The following DLGAP1 variants were observed in gnomAD, a reference collection of about 807,000 sequenced individuals.
DLGAP1 encodes the protein disks large-associated protein 1.
DLGAP1 carries 11 observed loss-of-function variants against 90.8 expected under a neutral mutation model. The ratio of observed to expected loss-of-function variants is 0.12; its 90% confidence interval spans 0.08 to 0.20. The LOEUF (loss-of-function observed/expected upper bound fraction) is 0.20. DLGAP1 is among the 10% of genes least tolerant of loss of function. The pLI, the probability that DLGAP1 is intolerant of heterozygous loss-of-function variation, is 1.00. For missense variants in DLGAP1, 1,050 were observed against 1,333.8 expected (o/e 0.79, Z 3.31); for synonymous variants, 558 against 540.7 (o/e 1.03, Z -0.44).
chr18:4,361,807 A>C (rs2081635765), intron 1 of DLGAP1, among the ~76,000 whole-genome samples: 1 of 152,232 alleles, frequency 6.6e-6, no homozygotes, highest in Non-Finnish European at 1.5e-5. Context: ...CACACAAAAC[A>C]GGAGAAAAGA....
chr18:4,330,216 T>TGCACTAAACCTGAGAATGTAAA (rs2080916694), intron 1 of DLGAP1, among the ~76,000 whole-genome samples: 2 of 149,786 alleles, frequency 1.3e-5, no homozygotes, highest in African/African-American at 5.1e-5. Flanking sequence ...GATACTCATA[T>TGCACTAAACCTGAGAATGTAAA]AATTTTCTTG....
intron 7 of DLGAP1, among the ~76,000 whole-genome samples, chr18:3,641,572 T>TACAC (rs201760431): frequency 1.5e-5 from 2 of 133,270 alleles, no homozygotes; most frequent in East Asian, 4.4e-4. Flanking sequence ...TAAGACAATG[T>TACAC]ACACATATAT....
At chr18:3,864,986 A>G (rs2148761822) in intron 4 of DLGAP1, among the ~76,000 whole-genome samples, 1 of 152,180 alleles carries the variant, frequency 6.6e-6, no homozygotes, top group South Asian at 2.1e-4. Context: ...ACACTCTGGG[A>G]TATATGAGGC....
chr18:4,030,960 T>A (rs1489670808), intron 2 of DLGAP1, among the ~76,000 whole-genome samples: 3 of 151,984 alleles, frequency 2.0e-5, no homozygotes, highest in Non-Finnish European at 2.9e-5. Flanking sequence ...TGCAAGCTTT[T>A]CACAAACGGT....
intron 2 of DLGAP1, among the ~76,000 whole-genome samples, chr18:4,053,838 AG>A (rs1488294990): frequency 1.3e-5 from 2 of 152,222 alleles, no homozygotes; most frequent in African/African-American, 4.8e-5. Flanking sequence ...GGTAAAATCC[AG>A]TATTTGGTAT....
chr18:3,742,883 T>C (rs1211039435), intron 5 of DLGAP1, among the ~76,000 whole-genome samples: 1 of 152,170 alleles, frequency 6.6e-6, no homozygotes, highest in Non-Finnish European at 1.5e-5. Flanking sequence ...CATCTTTTTG[T>C]TTTTGGACTG....
chr18:4,251,441 C>T (rs113844769), intron 1 of DLGAP1, among the ~76,000 whole-genome samples: 538 of 152,260 alleles, frequency 3.5e-3, no homozygotes, highest in Non-Finnish European at 5.7e-3. Flanking sequence ...ATGCCTGTCT[C>T]TAGTAACCAA....
intron 1 of DLGAP1, among the ~76,000 whole-genome samples, chr18:4,212,391 C>T (rs1303690032): frequency 3.9e-5 from 6 of 151,962 alleles, no homozygotes; most frequent in Admixed American, 6.6e-5. Context: ...TTTAAAAGGG[C>T]GCACTGGCTC....
chr18:3,613,619 A>G (rs568270775), intron 7 of DLGAP1, among the ~76,000 whole-genome samples: 1 of 152,180 alleles, frequency 6.6e-6, no homozygotes, highest in East Asian at 1.9e-4. Flanking sequence ...TACAGGCATG[A>G]GCCTGGCTAG....
At chr18:3,970,043 TTAA>T (rs1294707662) in intron 3 of DLGAP1, among the ~76,000 whole-genome samples, 11 of 152,178 alleles carry the variant, frequency 7.2e-5, no homozygotes, top group African/African-American at 2.7e-4. Flanking sequence ...GTAAGTTTGA[TTAA>T]TGTTTGTCTT....
At chr18:3,759,617 C>G (rs1278914892) in intron 5 of DLGAP1, among the ~76,000 whole-genome samples, 1 of 152,212 alleles carries the variant, frequency 6.6e-6, no homozygotes, top group Non-Finnish European at 1.5e-5. Context: ...CTATGCATGA[C>G]GCTTATGCTG....
intron 1 of DLGAP1, among the ~76,000 whole-genome samples, chr18:4,264,246 T>C (rs1266096216): frequency 1.3e-5 from 2 of 152,212 alleles, no homozygotes; most frequent in East Asian, 1.9e-4. Context: ...CCATTTGCTC[T>C]AAACATTCCA....
At chr18:4,012,425 T>C (rs1257085928) in intron 2 of DLGAP1, among the ~76,000 whole-genome samples, 3 of 152,054 alleles carry the variant, frequency 2.0e-5, no homozygotes, top group Non-Finnish European at 4.4e-5. Context: ...CATCTGCCAC[T>C]GTATAACTGC....
intron 7 of DLGAP1, among the ~76,000 whole-genome samples, chr18:3,692,644 G>A (rs1473338989): frequency 6.6e-6 from 1 of 151,958 alleles, no homozygotes; most frequent in Non-Finnish European, 1.5e-5. Context: ...ATCTGCATAT[G>A]GCAGCTCTTT....
chr18:3,588,615 A>G (rs953062454), intron 7 of DLGAP1, among the ~76,000 whole-genome samples: 5 of 151,464 alleles, frequency 3.3e-5, no homozygotes, highest in Admixed American at 3.3e-4. Context: ...CCCCATCTCT[A>G]CTAAAAATAC....
intron 3 of DLGAP1, chr18:3,985,976 G>A (rs574261505): frequency 4.1e-4 from 63 of 152,230 alleles, no homozygotes; most frequent in African/African-American, 1.4e-3. Context: ...ATGATGTAGC[G>A]GAAAGTCATC....
At chr18:4,013,795 A>C (rs1177176208) in intron 2 of DLGAP1, 1 of 152,226 alleles carries the variant, frequency 6.6e-6, no homozygotes, top group African/African-American at 2.4e-5. Flanking sequence ...TTTAAAAGTA[A>C]CTTTAATGAA....
chr18:4,367,953 A>C (rs1284006665), intron 1 of DLGAP1, among the ~76,000 whole-genome samples: 1 of 147,346 alleles, frequency 6.8e-6, no homozygotes, highest in Non-Finnish European at 1.5e-5. Flanking sequence ...AATCTTGATG[A>C]ATCAAAAATT....
chr18:4,023,988 C>T (rs1257920175), intron 2 of DLGAP1, among the ~76,000 whole-genome samples: 5 of 151,870 alleles, frequency 3.3e-5, no homozygotes, highest in African/African-American at 1.2e-4. Context: ...TTTTTCTTCC[C>T]CTCTCTCATT....
Sources: gnomAD v4.1 joint callset for allele counts (sites outside exome capture counted in the v4.1 genomes callset) on GRCh38, gnomAD v4.1.1 for gene constraint, MANE v1.5 for transcripts, NCBI Gene and HGNC (gene_info 2026-07-23, HGNC 2026-07-21) for gene names.